Variants in FOXN3 observed in about 807,000 individuals in gnomAD.
The protein encoded by FOXN3 is forkhead box N3.
In FOXN3, 7 loss-of-function variants were observed where a neutral mutation model predicts 38.4. That is an observed-to-expected ratio of 0.18 (90% CI 0.10 to 0.34). The LOEUF (loss-of-function observed/expected upper bound fraction) is 0.34. Among genes scored for constraint, FOXN3 ranks in the 10% least tolerant of loss-of-function variants. The pLI is 1.00. For synonymous variants in FOXN3, 230 were observed against 242.2 expected (o/e 0.95, Z 0.47); for missense variants, 456 against 613.4 (o/e 0.74, Z 2.71).
chr14:89,257,802 G>T (rs1452531411), intron 4 of FOXN3, among the ~76,000 whole-genome samples: 1 of 152,102 alleles, frequency 6.6e-6, no homozygotes, highest in Non-Finnish European at 1.5e-5. Flanking sequence ...TCCATTTAAG[G>T]TCTTGGTGTG....
At chr14:89,550,210 T>A (rs1894974125) in intron 1 of FOXN3, among the ~76,000 whole-genome samples, 1 of 152,168 alleles carries the variant, frequency 6.6e-6, no homozygotes. Flanking sequence ...AAAACATCCA[T>A]GTTCCGCCAC....
chr14:89,614,373 C>A (rs1333143895), intron 1 of FOXN3, among the ~76,000 whole-genome samples: 5 of 152,190 alleles, frequency 3.3e-5, no homozygotes, highest in South Asian at 2.1e-4. Context: ...TTATAAGTAA[C>A]CCCTAAAAAT....
chr14:89,360,563 GGA>G (rs59817818), intron 2 of FOXN3, among the ~76,000 whole-genome samples: 9 of 139,998 alleles, frequency 6.4e-5, no homozygotes, highest in East Asian at 4.3e-4. Flanking sequence ...AAGGAGGTGA[GGA>G]GAGAGAGAGA....
At chr14:89,360,028 C>T (rs1889396458) in intron 2 of FOXN3, among the ~76,000 whole-genome samples, 1 of 152,202 alleles carries the variant, frequency 6.6e-6, no homozygotes, top group African/African-American at 2.4e-5. Context: ...TTCTGTCCAG[C>T]ATATGCCACG....
intron 1 of FOXN3, among the ~76,000 whole-genome samples, chr14:89,527,798 T>A (rs374357): frequency 0.39 from 58,346 of 150,982 alleles, 11,714 homozygotes; most frequent in East Asian, 0.6. Flanking sequence ...GCCTCCCAGG[T>A]TCAAGCAATT....
intron 3 of FOXN3, among the ~76,000 whole-genome samples, chr14:89,287,179 A>T (rs938344789): frequency 2.7e-4 from 37 of 139,504 alleles, no homozygotes; most frequent in Admixed American, 2.2e-3. Flanking sequence ...TTTGAGACAG[A>T]GTCTTGCTCT....
chr14:89,307,541 A>G (rs1283725572), intron 3 of FOXN3, among the ~76,000 whole-genome samples: 1 of 152,178 alleles, frequency 6.6e-6, no homozygotes, highest in Admixed American at 6.5e-5. Flanking sequence ...GCAGATGAAA[A>G]TTTGGACAGG....
At chr14:89,330,625 G>C (rs1034125158) in intron 3 of FOXN3, among the ~76,000 whole-genome samples, 1 of 152,206 alleles carries the variant, frequency 6.6e-6, no homozygotes, top group Non-Finnish European at 1.5e-5. Flanking sequence ...CTGATGAAAG[G>C]GGTGAGACCA....
Position 89,368,736 on chromosome 14 carries a change from G to A in FOXN3, c.544-17928C>T, listed in dbSNP as rs553246541. On this transcript the variant is annotated intron_variant, in intron 2 of 5. Coordinates refer to ENST00000557258, the MANE Select transcript of FOXN3 (RefSeq NM_005197.4). ...CCTAGAAGATTTACACAGGGTCACAGGGGCAGCTGGGATAGCATACCTGTT... is the reference window on the plus strand; with the variant it reads ...CCTAGAAGATTTACACAGGGTCACAAGGGCAGCTGGGATAGCATACCTGTT... Among the ~76,000 whole-genome samples, 14 of 152,270 alleles carry A rather than the reference G, an allele frequency of 9.2e-5. No homozygotes were observed. The South Asian group carries it at 2.1e-3, about 23-fold the overall frequency.
chr14:89,417,705 AGAG>A (rs1215077279), upstream of FOXN3: 2 of 455,996 alleles, frequency 4.4e-6, no homozygotes, highest in Non-Finnish European at 8.8e-6. Context: ...GGGGGTGAGA[AGAG>A]GAGATTCCAC....
At chr14:89,557,311 A>G (rs1895147020) in intron 1 of FOXN3, among the ~76,000 whole-genome samples, 1 of 152,016 alleles carries the variant, frequency 6.6e-6, no homozygotes. Flanking sequence ...TCCCACTCTT[A>G]TTGGGGGGTT....
chr14:89,223,516 C>T (rs1404281856), intron 4 of FOXN3, among the ~76,000 whole-genome samples: 3 of 152,206 alleles, frequency 2.0e-5, no homozygotes, highest in African/African-American at 7.2e-5. Context: ...TTAGAAATTC[C>T]GAGGACTGAA....
intron 3 of FOXN3, among the ~76,000 whole-genome samples, chr14:89,339,934 A>G (rs988135868): frequency 6.6e-6 from 1 of 152,196 alleles, no homozygotes; most frequent in Admixed American, 6.5e-5. Flanking sequence ...TGTGTTTCTC[A>G]TCAGTAGAAA....
intron 1 of FOXN3, among the ~76,000 whole-genome samples, chr14:89,578,981 G>A (rs375135895): frequency 4.0e-5 from 6 of 151,350 alleles, no homozygotes; most frequent in South Asian, 2.1e-4. Context: ...CTGAGTATCC[G>A]GGACTATAGT....
At chr14:89,467,522 T>C (rs1178031918) in intron 1 of FOXN3, among the ~76,000 whole-genome samples, 5 of 151,436 alleles carry the variant, frequency 3.3e-5, no homozygotes, top group African/African-American at 7.3e-5. Flanking sequence ...TAGCCAAATG[T>C]AAATTTTTTT....
intron 1 of FOXN3, among the ~76,000 whole-genome samples, chr14:89,426,668 G>A (rs974788647): frequency 5.3e-5 from 8 of 152,284 alleles, no homozygotes; most frequent in Admixed American, 2.0e-4. Context: ...CTAAAGCTCC[G>A]AAAATATTCA....
intron 2 of FOXN3, among the ~76,000 whole-genome samples, chr14:89,379,628 A>G (rs994565089): frequency 6.6e-6 from 1 of 152,022 alleles, no homozygotes. Context: ...ATTTTATTTT[A>G]TTTTGTTTTG....
intron 4 of FOXN3, among the ~76,000 whole-genome samples, chr14:89,259,049 A>G (rs1299634345): frequency 6.6e-6 from 1 of 152,240 alleles, no homozygotes; most frequent in African/African-American, 2.4e-5. Context: ...TATACAACAG[A>G]ATCACCTGGT....
At chr14:89,166,263 A>G (rs1223957289) in intron 5 of FOXN3, among the ~76,000 whole-genome samples, 2 of 152,142 alleles carry the variant, frequency 1.3e-5, no homozygotes, top group East Asian at 1.9e-4. Context: ...AAACAGGGAG[A>G]TTAGCAGCAT....
Sources: allele counts gnomAD v4.1 joint callset (sites outside exome capture counted in the v4.1 genomes callset), GRCh38; gene constraint gnomAD v4.1.1; transcripts MANE v1.5; gene names NCBI Gene and HGNC (gene_info 2026-07-23, HGNC 2026-07-21).